Variants in GSE1 observed in about 807,000 individuals in gnomAD.
The protein encoded by GSE1 is genetic suppressor element 1.
GSE1 carries 32 observed loss-of-function variants against 112.6 expected under a neutral mutation model. That is an observed-to-expected ratio of 0.28 (90% CI 0.21 to 0.38). GSE1 has a LOEUF of 0.38. Ranked by LOEUF, GSE1 falls within the 10% of genes least tolerant of loss-of-function variation. GSE1 has a pLI of 1.00. For missense variants in GSE1, 2,348 were observed against 1,699.2 expected (o/e 1.38, Z -6.71); for synonymous variants, 1,115 against 735.6 (o/e 1.52, Z -8.35).
At chr16:85,542,611 G>A (rs1228914530) in intron 2 of GSE1, among the ~76,000 whole-genome samples, 1 of 152,252 alleles carries the variant, frequency 6.6e-6, no homozygotes, top group African/African-American at 2.4e-5. Flanking sequence ...GGGACACATG[G>A]GTTGGGACTG....
At chr16:85,635,194 C>T (rs1248325113) in intron 2 of GSE1, among the ~76,000 whole-genome samples, 2 of 152,036 alleles carry the variant, frequency 1.3e-5, no homozygotes, top group Non-Finnish European at 2.9e-5. Flanking sequence ...TGCTGCTGCT[C>T]GTTGGAGAAT....
chr16:85,322,497 C>CCAA (rs1200429389), intron 1 of GSE1, among the ~76,000 whole-genome samples: 12 of 152,116 alleles, frequency 7.9e-5, no homozygotes, highest in African/African-American at 2.9e-4. Flanking sequence ...CTGCAGTGAG[C>CCAA]CAACAGTGGA....
chr16:85,661,672 G>A lies in GSE1; in HGVS notation c.2167G>A (p.Ala723Thr). The change falls in exon 9 of 16, where the codon GCC (alanine) becomes ACC (threonine). Residue 723 changes from alanine (A) to threonine (T), a missense_variant. Coordinates refer to ENST00000253458, the MANE Select transcript of GSE1 (RefSeq NM_014615.5). Reference sequence around the variant, plus strand: ...CCCAGTGCCACGGGCCCCCGACCCTGCCTACATCTATGATGAGTTCCTGCA... The same window carrying A: ...CCCAGTGCCACGGGCCCCCGACCCTACCTACATCTATGATGAGTTCCTGCA... ...RPPVPRAPDP[A>T]YIYDEFLQQR... is the part of the protein sequence containing the mutation. The A allele has an allele frequency of 6.2e-7, 1 of 1,610,772 alleles. No homozygotes were observed. Among genetic ancestry groups the A allele is most frequent in the Non-Finnish European group, 8.5e-7 (1 of 1,179,218 alleles).
At chr16:85,608,903 C>T (rs559588249), upstream of GSE1, among the ~76,000 whole-genome samples, 10 of 152,214 alleles carry the variant, frequency 6.6e-5, no homozygotes, top group South Asian at 2.1e-4. Flanking sequence ...GCAGTTCCTA[C>T]GTGCTAGGAG....
chr16:85,212,956 C>T (rs1011644207), intron 1 of GSE1, among the ~76,000 whole-genome samples: 17 of 152,036 alleles, frequency 1.1e-4, no homozygotes, highest in Non-Finnish European at 1.8e-4. Flanking sequence ...GGCAAGACCC[C>T]GTCTCTACAA....
At chr16:85,403,765 G>A (rs1276759293) in intron 2 of GSE1, among the ~76,000 whole-genome samples, 1 of 152,182 alleles carries the variant, frequency 6.6e-6, no homozygotes, top group East Asian at 1.9e-4. Context: ...TCCTGCCACT[G>A]CACTCCAGTC....
intron 13 of GSE1, among the ~76,000 whole-genome samples, chr16:85,666,972 G>A (rs2052913939): frequency 6.6e-6 from 1 of 152,228 alleles, no homozygotes; most frequent in South Asian, 2.1e-4. Context: ...GTCAAGTGTA[G>A]GCATTGTGTT....
At chr16:85,270,704 A>G (rs1156427019) in intron 1 of GSE1, among the ~76,000 whole-genome samples, 1 of 127,574 alleles carries the variant, frequency 7.8e-6, no homozygotes. Context: ...AATCCATTTA[A>G]TAATCCTCAG....
intron 6 of GSE1, 93 bp downstream of exon 6, chr16:85,656,010 C>A (rs910768959): frequency 1.5e-5 from 15 of 988,920 alleles, no homozygotes; most frequent in Non-Finnish European, 2.2e-5. Context: ...GACTGGACTC[C>A]TTGGCCATGC....
At chr16:85,578,124 A>G (rs541739208) in intron 1 of GSE1, among the ~76,000 whole-genome samples, 1 of 152,268 alleles carries the variant, frequency 6.6e-6, no homozygotes, top group African/African-American at 2.4e-5. Flanking sequence ...TCTGGCTGGC[A>G]CCCAGCAGGC....
intron 2 of GSE1, among the ~76,000 whole-genome samples, chr16:85,401,399 G>C (rs758727714): frequency 5.3e-4 from 80 of 152,326 alleles, no homozygotes; most frequent in Non-Finnish European, 9.3e-4. Context: ...GGCAGAAAGA[G>C]AAAGATGCTG....
intron 2 of GSE1, among the ~76,000 whole-genome samples, chr16:85,399,779 T>C (rs2048053302): frequency 6.6e-6 from 1 of 152,226 alleles, no homozygotes; most frequent in South Asian, 2.1e-4. Flanking sequence ...AAGAATGGAT[T>C]AGGAATCTGT....
At chr16:85,282,229 T>C (rs2044878275) in intron 1 of GSE1, among the ~76,000 whole-genome samples, 1 of 152,154 alleles carries the variant, frequency 6.6e-6, no homozygotes, top group East Asian at 1.9e-4. Flanking sequence ...GGTTTCACCA[T>C]GTTGGCCAGG....
intron 1 of GSE1, among the ~76,000 whole-genome samples, chr16:85,591,232 T>C (rs563356847): frequency 8.5e-5 from 13 of 152,304 alleles, no homozygotes; most frequent in African/African-American, 3.1e-4. Context: ...TGTAGGGGCC[T>C]CTGTCGGGCC....
intron 2 of GSE1, among the ~76,000 whole-genome samples, chr16:85,420,013 G>A (rs1218638914): frequency 6.6e-6 from 1 of 152,194 alleles, no homozygotes; most frequent in African/African-American, 2.4e-5. Flanking sequence ...TTGACATCGG[G>A]GCCAGGGATG....
chr16:85,665,801 C>T (rs2052801752), intron 12 of GSE1, among the ~76,000 whole-genome samples, 175 bp from the exon 13 acceptor site: 1 of 152,216 alleles, frequency 6.6e-6, no homozygotes, highest in East Asian at 1.9e-4. Context: ...CTAAACACCC[C>T]ACTGTCTTCA....
intron 1 of GSE1, among the ~76,000 whole-genome samples, chr16:85,350,015 G>A (rs976696243): frequency 3.9e-5 from 6 of 152,180 alleles, no homozygotes; most frequent in Non-Finnish European, 7.3e-5. Context: ...CTGCATTCTC[G>A]GCTCTCACTG....
chr16:85,203,673 A>C (rs2075067992), intron 1 of GSE1, among the ~76,000 whole-genome samples: 1 of 152,234 alleles, frequency 6.6e-6, no homozygotes, highest in South Asian at 2.1e-4. Flanking sequence ...CTCACAGAGC[A>C]TACAATTCAC....
chr16:85,617,597 C>A (rs1228484949), intron 1 of GSE1, among the ~76,000 whole-genome samples: 2 of 2,770 alleles, frequency 7.2e-4, no homozygotes, highest in African/African-American at 1.3e-3. Context: ...TGTCAACCCT[C>A]CCCCCCCCCC....
Sources: allele counts gnomAD v4.1 joint callset (sites outside exome capture counted in the v4.1 genomes callset), GRCh38; gene constraint gnomAD v4.1.1; transcripts MANE v1.5; gene names NCBI Gene and HGNC (gene_info 2026-07-23, HGNC 2026-07-21).